Variants in PLCB4 observed in about 807,000 individuals in gnomAD.
PLCB4 encodes 1-phosphatidylinositol 4,5-bisphosphate phosphodiesterase beta-4.
In PLCB4, 77 loss-of-function variants were observed where a neutral mutation model predicts 178.8. That is an observed-to-expected ratio of 0.43 (90% CI 0.36 to 0.52). PLCB4 has a LOEUF of 0.52. Ranked by LOEUF, PLCB4 falls within the 20% of genes least tolerant of loss-of-function variation. The probability of loss-of-function intolerance (pLI) is 0.00; values close to 1 mark genes in which losing one functional copy is unlikely to be tolerated. For synonymous variants in PLCB4, 496 were observed against 490.8 expected (o/e 1.01, Z -0.14); for missense variants, 1,024 against 1,453.4 (o/e 0.70, Z 4.80).
At chr20:9,421,235 T>A in intron 26 of PLCB4, 62 bp from the exon 27 acceptor site, 1 of 1,291,958 alleles carries the variant, frequency 7.7e-7, no homozygotes, top group Non-Finnish European at 1.1e-6. Flanking sequence ...TTCCTGATTA[T>A]TTTTTGCTAC....
intron 1 of PLCB4, among the ~76,000 whole-genome samples, chr20:9,070,486 T>G (rs1426589868): frequency 6.6e-6 from 1 of 152,170 alleles, no homozygotes; most frequent in Non-Finnish European, 1.5e-5. Context: ...GGGCATGTGG[T>G]GTAATCCCTC....
In PLCB4 at chr20:9,438,623, GAGA is replaced by G. The variant is rs1431746785; in HGVS notation, c.2764+1480_2764+1482del. Among the ~76,000 whole-genome samples, 8 of 152,116 alleles carry G rather than the reference GAGA, an allele frequency of 5.3e-5. No individual in the cohort carries two copies. In the South Asian group the frequency reaches 6.2e-4, roughly 12 times the overall value. On this transcript the variant is annotated intron_variant, in intron 30 of 39. Coordinates refer to ENST00000378473, the MANE Select transcript of PLCB4 (RefSeq NM_001377142.1). The stretch of plus-strand genomic sequence containing the variant: ...GCAATTACCAAATCTATATCAGGTG[GAGA>G]AGAAGAAGGAGGGACAGAGAAACAG...
intron 4 of PLCB4, among the ~76,000 whole-genome samples, chr20:9,308,815 A>G (rs2094799528): frequency 1.3e-5 from 2 of 152,310 alleles, no homozygotes; most frequent in African/African-American, 4.8e-5. Context: ...TGCAAATGCT[A>G]AGGATGGACC....
chr20:9,087,074 G>A (rs368751221), intron 1 of PLCB4, among the ~76,000 whole-genome samples: 4 of 152,118 alleles, frequency 2.6e-5, no homozygotes, highest in East Asian at 3.9e-4. Context: ...TTTAAAATGT[G>A]TCTCTTTGTA....
chr20:9,419,852 T>C lies in PLCB4; in HGVS notation c.2097T>C (p.Phe699=), dbSNP rs201245595. Residue 699 remains phenylalanine, a synonymous_variant, in exon 26 of 40, where the codon TTT becomes TTC. Transcript: ENST00000378473. ...TCATGAGGCGGCCTGATCGAACATT[T>C]GACCCCTTCTCTGAAACTCCTGTTG... The part of the protein sequence containing the change: ...PDFMRRPDRT[F]DPFSETPVDG... 6.0e-5 allele frequency: 97 copies of C among 1,614,032 alleles called. No homozygotes were observed. Among genetic ancestry groups the C allele is most frequent in the Non-Finnish European group, 8.1e-5 (96 of 1,179,970 alleles).
intron 12 of PLCB4, among the ~76,000 whole-genome samples, chr20:9,376,406 T>A (rs964307844): frequency 6.6e-6 from 1 of 152,228 alleles, no homozygotes; most frequent in Non-Finnish European, 1.5e-5. Flanking sequence ...TACCTTCTGT[T>A]ATTCTCCATT....
At chr20:9,272,037 C>T (rs1197857398) in intron 3 of PLCB4, among the ~76,000 whole-genome samples, 2 of 151,270 alleles carry the variant, frequency 1.3e-5, no homozygotes, top group South Asian at 2.1e-4. Flanking sequence ...ATTGGCTGGG[C>T]GTGGTGGCAT....
intron 35 of PLCB4, among the ~76,000 whole-genome samples, chr20:9,462,810 T>G (rs1041083502): frequency 1.3e-5 from 2 of 152,052 alleles, no homozygotes; most frequent in African/African-American, 4.8e-5. Context: ...CCAAAAGTGA[T>G]GGGGAGAATG....
chr20:9,224,406 T>G (rs1158852262), intron 3 of PLCB4, among the ~76,000 whole-genome samples: 2 of 152,176 alleles, frequency 1.3e-5, no homozygotes, highest in Non-Finnish European at 2.9e-5. Flanking sequence ...CCTCTGTTTA[T>G]TTTTCATTAT....
intron 2 of PLCB4, among the ~76,000 whole-genome samples, chr20:9,117,673 C>T (rs887620900): frequency 2.6e-5 from 4 of 152,184 alleles, no homozygotes; most frequent in African/African-American, 9.7e-5. Context: ...ACCTGCTCTG[C>T]TTTTGTTCTC....
At chr20:9,073,719 CA>C (rs1415252637) in intron 1 of PLCB4, among the ~76,000 whole-genome samples, 1 of 151,702 alleles carries the variant, frequency 6.6e-6, no homozygotes, top group African/African-American at 2.4e-5. Context: ...TCAATTTATG[CA>C]AAAAATACCA....
At chr20:9,277,956 T>C (rs1178590492) in intron 3 of PLCB4, among the ~76,000 whole-genome samples, 1 of 152,050 alleles carries the variant, frequency 6.6e-6, no homozygotes, top group Non-Finnish European at 1.5e-5. Flanking sequence ...TCGGTTTTAG[T>C]ATAAGACCAA....
chr20:9,183,447 G>A (rs1393831662), intron 2 of PLCB4, among the ~76,000 whole-genome samples: 1 of 152,152 alleles, frequency 6.6e-6, no homozygotes, highest in Non-Finnish European at 1.5e-5. Flanking sequence ...TACCACAGAG[G>A]ACGTAGAAAT....
At chr20:9,225,560 G>C (rs763108563) in intron 3 of PLCB4, among the ~76,000 whole-genome samples, 4 of 152,170 alleles carry the variant, frequency 2.6e-5, no homozygotes, top group Non-Finnish European at 5.9e-5. Flanking sequence ...TGAAGTCATT[G>C]TATTACGGTT....
chr20:9,457,830 A>G (rs2043149260), intron 34 of PLCB4, among the ~76,000 whole-genome samples: 1 of 152,248 alleles, frequency 6.6e-6, no homozygotes, highest in Non-Finnish European at 1.5e-5. Context: ...TAGAAATAAC[A>G]TTAAACATAG....
intron 22 of PLCB4, 99 bp from the exon 23 acceptor site, chr20:9,408,534 G>C (rs1260169110): frequency 5.2e-6 from 3 of 578,098 alleles, no homozygotes; most frequent in Non-Finnish European, 9.4e-6. Flanking sequence ...AGCCTCCAAG[G>C]CCTCATGATT....
rs763992319 is a variant in PLCB4 at position 9,371,213 on chromosome 20, G to C, written c.504-1G>C. 6.3e-7 allele frequency: 1 copy of C among 1,586,056 alleles called. No individual in the cohort carries two copies. Among genetic ancestry groups the C allele is most frequent in the Non-Finnish European group, 8.7e-7 (1 of 1,154,616 alleles). Reference sequence around the variant, plus strand: ...GTGTGTTTCTTTCTTTTCTGCCCTAGTATTACTAGAACATTTGCATCGGGA... The same window carrying C: ...GTGTGTTTCTTTCTTTTCTGCCCTACTATTACTAGAACATTTGCATCGGGA... On this transcript the variant is annotated splice_acceptor_variant, in intron 9 of 39. Coordinates refer to ENST00000378473, the MANE Select transcript of PLCB4 (RefSeq NM_001377142.1). LOFTEE classifies it high-confidence loss of function.
chr20:9,335,857 C>T (rs1305696108), intron 4 of PLCB4, among the ~76,000 whole-genome samples: 1 of 152,138 alleles, frequency 6.6e-6, no homozygotes, highest in Non-Finnish European at 1.5e-5. Context: ...AGTTGGAATA[C>T]ATAAATACAT....
chr20:9,377,280 T>A (rs2036757663), intron 12 of PLCB4, among the ~76,000 whole-genome samples: 1 of 152,094 alleles, frequency 6.6e-6, no homozygotes, highest in South Asian at 2.1e-4. Flanking sequence ...TACCATGGGG[T>A]GAATAACCTG....
Sources: gnomAD v4.1 joint callset for allele counts (sites outside exome capture counted in the v4.1 genomes callset) on GRCh38, gnomAD v4.1.1 for gene constraint, MANE v1.5 for transcripts, NCBI Gene and HGNC (gene_info 2026-07-23, HGNC 2026-07-21) for gene names.